CASK: variants seen among roughly 807,000 people sequenced by gnomAD.
CASK encodes peripheral plasma membrane protein CASK.
CASK carries 4 observed loss-of-function variants against 82.9 expected under a neutral mutation model. That is an observed-to-expected ratio of 0.05 (90% CI 0.02 to 0.11). CASK has a LOEUF of 0.11. Among genes scored for constraint, CASK ranks in the 10% least tolerant of loss-of-function variants. CASK has a pLI of 1.00. For missense variants in CASK, 358 were observed against 720.9 expected (o/e 0.50, Z 5.76); for synonymous variants, 259 against 253.5 (o/e 1.02, Z -0.20).
chrX:41,622,973 T>C (rs534816976), intron 10 of CASK, among the ~76,000 whole-genome samples: 5 of 108,434 alleles, frequency 4.6e-5, no homozygotes, highest in Middle Eastern at 4.6e-3. Flanking sequence ...CTCTGCCTCC[T>C]GGGCTCAAGT....
At chrX:41,733,175 CAAAA>C (rs200021916) in intron 5 of CASK, among the ~76,000 whole-genome samples, 1 of 53,381 alleles carries the variant, frequency 1.9e-5, no homozygotes, top group Non-Finnish European at 3.4e-5. Flanking sequence ...GATTCCATCT[CAAAA>C]AAAAAAAAAA....
chrX:41,594,717 C>T (rs938895974), intron 12 of CASK, among the ~76,000 whole-genome samples: 1 of 111,907 alleles, frequency 8.9e-6, no homozygotes, highest in African/African-American at 3.3e-5. Context: ...GGATACAGCC[C>T]TGCCCAGGAG....
chrX:41,802,573 A>C (rs1326144229), intron 2 of CASK, among the ~76,000 whole-genome samples: 2 of 112,416 alleles, frequency 1.8e-5, no homozygotes, highest in Non-Finnish European at 3.8e-5. Flanking sequence ...CAGTATAACG[A>C]CTTTTAAAAA....
intron 2 of CASK, among the ~76,000 whole-genome samples, chrX:41,821,188 C>G (rs2147904145): frequency 9.0e-6 from 1 of 111,409 alleles, no homozygotes; most frequent in Admixed American, 9.5e-5. Flanking sequence ...TATATTTGAC[C>G]AAGGAAGTGT....
intron 5 of CASK, chrX:41,696,326 C>G: frequency 8.5e-7 from 1 of 1,173,343 alleles, no homozygotes; most frequent in Non-Finnish European, 1.1e-6. Flanking sequence ...GGCTAATTTT[C>G]TTACTAATAA....
chrX:41,883,591 T>C (rs1450617690), intron 1 of CASK, among the ~76,000 whole-genome samples: 1 of 111,647 alleles, frequency 9.0e-6, no homozygotes, highest in African/African-American at 3.3e-5. Context: ...TTCTCCCCCG[T>C]GGAGCTTACT....
At position 41,673,829 on chromosome X, in the gene CASK, GTTTTTTTTTTT is replaced by G. The variant is rs887137250; in HGVS notation, c.430-2310_430-2300del. Among the ~76,000 whole-genome samples, 9 of 51,045 alleles carry G rather than the reference GTTTTTTTTTTT, an allele frequency of 1.8e-4. 1 individual carries two copies. Among genetic ancestry groups the G allele is most frequent in the South Asian group, 2.5e-3 (2 of 812 alleles). The allele number at this position is 51,045 out of a possible 115,157, so 44.3% of individuals were successfully genotyped here. On this transcript the variant is annotated intron_variant, in intron 5 of 26. Coordinates refer to ENST00000378163, the MANE Select transcript of CASK (RefSeq NM_001367721.1). ...TGAAACTGTGGTGAGAACTCTGGGT[GTTTTTTTTTTT>G]TTTTTTTTTTTTGCCTCCCATCATC...
At chrX:41,906,839 C>T (rs2072478487) in intron 1 of CASK, among the ~76,000 whole-genome samples, 1 of 112,997 alleles carries the variant, frequency 8.8e-6, no homozygotes, top group Non-Finnish European at 1.9e-5. Flanking sequence ...AAAGAGTTCA[C>T]ATTTTATTCA....
At chrX:41,660,194 C>A (rs913606958) in intron 8 of CASK, 1 of 423,477 alleles carries the variant, frequency 2.4e-6, no homozygotes, top group Non-Finnish European at 4.1e-6. Context: ...AAGAGGCCTT[C>A]CCCTGATATA....
rs514729 is a variant in CASK, at chrX:41,743,697, G to A, written c.356+1827C>T. ...ATGCTGAGCTCAAAGCTGTATTAAG[G>A]TGGTCTCCAAGTTGTTTCCAGCTAT... On this transcript the variant is annotated intron_variant, in intron 4 of 26. Coordinates refer to ENST00000378163, the MANE Select transcript of CASK (RefSeq NM_001367721.1). 0.19 allele frequency: 57,392 copies of A among 295,547 alleles called. 4,599 individuals carry two copies. Among genetic ancestry groups the A allele is most frequent in the Middle Eastern group, 0.3 (344 of 1,131 alleles). The allele number at this position is 295,547 out of a possible 1,213,427, so 24.4% of individuals were successfully genotyped here.
rs11377176 is a variant in CASK at position 41,639,075 on chromosome X, CT to C, written c.832-2415del. ...TAATAGGTAAATTTTCAACCCTCAA[CT>C]TTTTTTTTTTTTTTTTGAGATGGAG... On this transcript the variant is annotated intron_variant, in intron 8 of 26. Coordinates refer to ENST00000378163, the MANE Select transcript of CASK (RefSeq NM_001367721.1). Among the ~76,000 whole-genome samples the C allele has an allele frequency of 9.3e-3, 868 of 92,908 alleles. 5 individuals are homozygous for C. Among genetic ancestry groups the C allele is most frequent in the African/African-American group, 0.013 (343 of 25,786 alleles). The allele number at this position is 92,908 out of a possible 115,157, so 80.7% of individuals were successfully genotyped here. A position where few individuals can be genotyped will look rare whatever the true frequency, so the allele number is the denominator to read the frequency against.
intron 2 of CASK, among the ~76,000 whole-genome samples, chrX:41,831,316 T>G (rs1213304538): frequency 8.9e-6 from 1 of 111,975 alleles, no homozygotes; most frequent in East Asian, 2.8e-4. Flanking sequence ...CACCTGGCTC[T>G]ACCACTTCCT....
intron 2 of CASK, among the ~76,000 whole-genome samples, chrX:41,798,269 A>T (rs2069905848): frequency 8.9e-6 from 1 of 112,276 alleles, no homozygotes; most frequent in Admixed American, 9.4e-5. Context: ...AGATCATATT[A>T]TAGCTAGCTG....
chrX:41,539,880 A>G (rs1480164417), intron 22 of CASK, among the ~76,000 whole-genome samples: 1 of 112,150 alleles, frequency 8.9e-6, no homozygotes, highest in Non-Finnish European at 1.9e-5. Flanking sequence ...GTATTTCAGA[A>G]AGTCAAGGAA....
At chrX:41,730,407 T>C (rs1186815197) in intron 5 of CASK, among the ~76,000 whole-genome samples, 1 of 111,749 alleles carries the variant, frequency 8.9e-6, no homozygotes, top group East Asian at 2.8e-4. Flanking sequence ...AATTTTTTTT[T>C]CCTTTTCTAC....
intron 16 of CASK, among the ~76,000 whole-genome samples, chrX:41,565,517 T>TGA (rs750637746): frequency 2.7e-5 from 3 of 111,124 alleles, no homozygotes; most frequent in Non-Finnish European, 5.7e-5. Context: ...ACACCTACAT[T>TGA]CTCCCAAGAC....
chrX:41,894,623 A>C (rs2072239801), intron 1 of CASK, among the ~76,000 whole-genome samples: 1 of 107,288 alleles, frequency 9.3e-6, no homozygotes, highest in Non-Finnish European at 1.9e-5. Flanking sequence ...AAAAAAAGCA[A>C]ATTAGTGAAG....
rs1601964159 is a variant in CASK at position 41,908,355 on chromosome X, G to A, written c.59+14575C>T. The stretch of plus-strand genomic sequence containing the variant: ...TGTGCCACTGCACTCCAGCCTGGGC[G>A]ACAGAACAAGACTCTGTCAAACAAA... On this transcript the variant is annotated intron_variant, in intron 1 of 26. Coordinates refer to ENST00000378163, the MANE Select transcript of CASK (RefSeq NM_001367721.1). Among the ~76,000 whole-genome samples, 3 of 112,059 alleles carry A rather than the reference G, an allele frequency of 2.7e-5. No homozygotes were observed. In the Admixed American group the frequency reaches 2.8e-4, roughly 11 times the overall value.
At chrX:41,692,998 G>A (rs1258615358) in intron 5 of CASK, among the ~76,000 whole-genome samples, 3 of 111,604 alleles carry the variant, frequency 2.7e-5, no homozygotes, top group Non-Finnish European at 3.8e-5. Flanking sequence ...ATTATGCTAA[G>A]CATTAGGTAC....
Sources: allele counts gnomAD v4.1 joint callset (sites outside exome capture counted in the v4.1 genomes callset), GRCh38; gene constraint gnomAD v4.1.1; transcripts MANE v1.5; gene names NCBI Gene and HGNC (gene_info 2026-07-23, HGNC 2026-07-21).